The following ACACB variants were observed in gnomAD, a reference collection of about 807,000 sequenced individuals.
ACACB encodes acetyl-CoA carboxylase 2.
A neutral mutation model predicts 278.8 loss-of-function variants in ACACB; 209 were observed. The observed-to-expected ratio is 0.75, with a 90% CI of 0.67 to 0.84. The LOEUF is 0.84. Ranked by LOEUF, ACACB falls within the 40% of genes least tolerant of loss-of-function variation. The probability of loss-of-function intolerance (pLI) is 0.00; values close to 1 mark genes in which losing one functional copy is unlikely to be tolerated. For synonymous variants in ACACB, 1,174 were observed against 1,285.6 expected, an observed-to-expected ratio of 0.91 and a Z score of 1.86; for missense variants, 2,850 against 3,269.0, an observed-to-expected ratio of 0.87 and a Z score of 3.13.
chr12:109,259,217 GCT>G, intron 47 of ACACB, 109 bp downstream of exon 47: 1 of 1,350,940 alleles, frequency 7.4e-7, no homozygotes, highest in Admixed American at 2.2e-5. Context: ...CATCATCTTA[GCT>G]GTGTCTCCCA....
intron 17 of ACACB, 34 bp downstream of exon 17, chr12:109,197,187 G>T (rs781766189): frequency 1.5e-5 from 24 of 1,585,114 alleles, no homozygotes; most frequent in Non-Finnish European, 1.5e-5. Flanking sequence ...TGTGGGCTGG[G>T]CATGCACAGC....
rs763182651 is a variant in ACACB at position 109,265,138 on chromosome 12, C to A, written c.6971C>A (p.Thr2324Asn). 1.9e-6 allele frequency: 3 copies of A among 1,613,016 alleles called. No homozygotes were observed. Among genetic ancestry groups the A allele is most frequent in the Non-Finnish European group, 2.5e-6 (3 of 1,179,500 alleles). ...ATCCTGGAGTGGAAGACCGCACGCACCTTCCTGTATTGGCGTCTGCGCCGC... is the reference window on the plus strand; with the variant it reads ...ATCCTGGAGTGGAAGACCGCACGCAACTTCCTGTATTGGCGTCTGCGCCGC... ...SDILEWKTAR[T>N]FLYWRLRRLL... Residue 2324 changes from threonine (T) to asparagine (N), a missense_variant, in exon 51 of 53, where the codon ACC becomes AAC. By Grantham distance (65) the Thr-to-Asn change is moderately conservative. Around this residue, in one of 3 missense-constraint regions of ACACB, gnomAD observed 579 missense variants for 684.6 expected, o/e 0.85. Coordinates refer to ENST00000338432, the MANE Select transcript of ACACB (RefSeq NM_001093.4).
At chr12:109,175,779 G>A (rs1410468730) in intron 7 of ACACB, 152 bp from the exon 8 acceptor site, 1 of 639,014 alleles carries the variant, frequency 1.6e-6, no homozygotes, top group Non-Finnish European at 2.8e-6. Context: ...GAAATGAAAA[G>A]CCATTGTGAG....
In ACACB at chr12:109,216,686, T is replaced by A; in HGVS notation, c.3419T>A (p.Val1140Asp). ...GATCTCCTGAGAAGATACTTGCGTG[T>A]TGAGCACCATTTTCAGCAAGGCAAG... ...VLDLLRRYLRVEHHFQQAHYD... is the reference protein window; with the variant it reads ...VLDLLRRYLRDEHHFQQAHYD... Residue 1140 changes from valine (V) to aspartate (D), a missense_variant, in exon 23 of 53, where the codon GTT becomes GAT. This residue lies in a region of ACACB where 2,265 missense variants were observed against 2,561.3 expected (regional missense o/e 0.88). Coordinates refer to ENST00000338432, the MANE Select transcript of ACACB (RefSeq NM_001093.4). 1 of 1,614,178 alleles carries A rather than the reference T, an allele frequency of 6.2e-7. No homozygotes were observed. The highest frequency in any genetic ancestry group is 8.5e-7 in the Non-Finnish European group (1 of 1,180,042).
At chr12:109,190,421 G>A (rs1485925853) in intron 13 of ACACB, among the ~76,000 whole-genome samples, 1 of 152,180 alleles carries the variant, frequency 6.6e-6, no homozygotes, top group East Asian at 1.9e-4. Flanking sequence ...TGCTCTTGGA[G>A]ATTTGGAGTC....
chr12:109,182,704 C>T (rs1164884405), intron 11 of ACACB, among the ~76,000 whole-genome samples: 3 of 152,250 alleles, frequency 2.0e-5, no homozygotes, highest in East Asian at 1.9e-4. Context: ...ATTAATCCCT[C>T]GTCAGGTGGC....
At position 109,140,073 on chromosome 12, in the gene ACACB, C is replaced by T. The variant is rs748945302; in HGVS notation, c.653+15C>T. 6.4e-7 allele frequency: 1 copy of T among 1,562,024 alleles called. No individual in the cohort carries two copies. The highest frequency in any genetic ancestry group is 1.8e-5 in the Admixed American group (1 of 56,192). On this transcript the variant is annotated intron_variant, in intron 2 of 52. Coordinates refer to ENST00000338432, the MANE Select transcript of ACACB (RefSeq NM_001093.4). ...CCCACTATGAGGTAATGTGCATTTT[C>T]TCCTTGTAACTGAGGAGTGCAGAGT...
At chr12:109,153,557 G>A (rs558012560) in intron 2 of ACACB, among the ~76,000 whole-genome samples, 1 of 152,296 alleles carries the variant, frequency 6.6e-6, no homozygotes, top group South Asian at 2.1e-4. Flanking sequence ...ATTTTTGGTT[G>A]GTTTGTTGGC....
chr12:109,148,749 G>C (rs1180599400), intron 2 of ACACB, among the ~76,000 whole-genome samples: 5 of 152,102 alleles, frequency 3.3e-5, no homozygotes, highest in African/African-American at 7.2e-5. Context: ...CTGGCATATA[G>C]TAAGCACAAA....
chr12:109,233,211 CAT>C (rs149861103), intron 29 of ACACB, among the ~76,000 whole-genome samples: 4,958 of 152,254 alleles, frequency 0.033, 104 homozygotes, highest in Middle Eastern at 0.058. Context: ...AATGAGATAA[CAT>C]ATGTGAAATA....
At chr12:109,218,877 T>C (rs1593608923) in intron 24 of ACACB, among the ~76,000 whole-genome samples, 2 of 151,880 alleles carry the variant, frequency 1.3e-5, no homozygotes, top group South Asian at 2.1e-4. Flanking sequence ...CAAGCAATTC[T>C]CCTGTCTCAG....
At chr12:109,155,631 A>G (rs2043511828) in intron 2 of ACACB, among the ~76,000 whole-genome samples, 1 of 151,764 alleles carries the variant, frequency 6.6e-6, no homozygotes, top group African/African-American at 2.4e-5. Flanking sequence ...ATAAACTTGA[A>G]TCATGCAGAA....
In ACACB at chr12:109,247,924, G is replaced by A. The variant is rs2046992337; in HGVS notation, c.5669+221G>A. 2.0e-5 allele frequency among the ~76,000 whole-genome samples: 3 copies of A among 152,220 alleles called. No homozygotes were observed. The East Asian group carries it at 5.8e-4, about 29-fold the overall frequency. ...TGAGTGACTCCTTTCACAAAAAATA[G>A]CACGTCATGTAGGGAGAATGAGATT... On this transcript the variant is annotated intron_variant, in intron 40 of 52. Coordinates refer to ENST00000338432, the MANE Select transcript of ACACB (RefSeq NM_001093.4).
Position 109,139,989 on chromosome 12 carries a change from G to T in ACACB, c.584G>T (p.Ser195Ile). The T allele has an allele frequency of 1.9e-6, 3 of 1,613,106 alleles. No individual in the cohort carries two copies. Among genetic ancestry groups the T allele is most frequent in the Non-Finnish European group, 8.5e-7 (1 of 1,180,000 alleles). ...TCTACCCGGAAGGGCAGCCGGGCCA[G>T]CTTGGGGGCCCTGTCCCTGGAGGCT... is the stretch of plus-strand genomic sequence containing the variant. ...RESTRKGSRA[S>I]LGALSLEAYL... Residue 195 changes from serine to isoleucine, a missense_variant, in exon 2 of 53, where the codon AGC becomes ATC. This residue lies in a region of ACACB where 2,265 missense variants were observed against 2,561.3 expected (regional missense o/e 0.88). Transcript: ENST00000338432.
At chr12:109,210,270 C>CACACACATATCTGTGTGTATATGT (rs1565927678) in intron 21 of ACACB, among the ~76,000 whole-genome samples, 2 of 19,940 alleles carry the variant, frequency 1.0e-4, no homozygotes, top group Non-Finnish European at 1.8e-4. Flanking sequence ...TGTATATGTA[C>CACACACATATCTGTGTGTATATGT]ATATACACAC....
intron 20 of ACACB, 96 bp from the exon 21 acceptor site, chr12:109,209,069 G>A (rs2136387833): frequency 7.2e-7 from 1 of 1,381,088 alleles, no homozygotes; most frequent in East Asian, 2.5e-5. Context: ...AGTGCATGGG[G>A]TCAGGATGGG....
Position 109,260,670 on chromosome 12 carries a change from C to T in ACACB, c.6674+13C>T, listed in dbSNP as rs199871260. ...ACAAAGAGAGCAGGTGGGTGTGTTG[C>T]CCTTAGCCTGGCTTAGCCTTTTCTT... On this transcript the variant is annotated intron_variant, in intron 48 of 52. Coordinates refer to ENST00000338432, the MANE Select transcript of ACACB (RefSeq NM_001093.4). 44 of 1,537,682 alleles carry T rather than the reference C, an allele frequency of 2.9e-5. 1 individual carries two copies. The Admixed American group carries it at 9.1e-4, about 32-fold the overall frequency.
rs1163625872 is a variant in ACACB at position 109,197,018 on chromosome 12, A to G, written c.2492A>G (p.Gln831Arg). 14 of 1,562,692 alleles carry G rather than the reference A, an allele frequency of 9.0e-6. No homozygotes were observed. Among genetic ancestry groups the G allele is most frequent in the South Asian group, 2.4e-5 (2 of 83,060 alleles). The change falls in exon 17 of 53, where the codon CAG becomes CGG. Residue 831 changes from glutamine to arginine, a missense_variant. Physicochemically the swap from Gln to Arg is conservative, Grantham distance 43. Transcript: ENST00000338432. ...GGCTTGTCCCCACAGGTGGCCCGGC[A>G]GTCTCTGACCATGTTCGTTCTCATC... Reference protein sequence around the residue: ...GVKYILKVARQSLTMFVLIMN... With the variant: ...GVKYILKVARRSLTMFVLIMN...
chr12:109,239,551 G>C (rs1374680086), intron 34 of ACACB, among the ~76,000 whole-genome samples: 1 of 152,252 alleles, frequency 6.6e-6, no homozygotes, highest in African/African-American at 2.4e-5. Context: ...TGGGTGATTA[G>C]AGCAGGTGGT....
Sources: gnomAD v4.1 joint callset for allele counts (sites outside exome capture counted in the v4.1 genomes callset) on GRCh38, gnomAD v4.1.1 for gene constraint, gnomAD v4.1.1 regional missense constraint, MANE v1.5 for transcripts, NCBI Gene and HGNC (gene_info 2026-07-23, HGNC 2026-07-21) for gene names.